Variants in PHACTR1 observed in about 807,000 individuals in gnomAD.
The protein encoded by PHACTR1 is RPEL repeat containing 1.
A neutral mutation model predicts 69.2 loss-of-function variants in PHACTR1; 16 were observed. That is an observed-to-expected ratio of 0.23 (90% CI 0.16 to 0.35). The LOEUF is 0.35. Among genes scored for constraint, PHACTR1 ranks in the 10% least tolerant of loss-of-function variants. The pLI is 1.00. For synonymous variants in PHACTR1, 312 were observed against 284.5 expected (o/e 1.10, Z -0.97); for missense variants, 510 against 734.7 (o/e 0.69, Z 3.54).
At chr6:13,261,444 G>A (rs1176904100) in intron 10 of PHACTR1, among the ~76,000 whole-genome samples, 1 of 152,228 alleles carries the variant, frequency 6.6e-6, no homozygotes, top group African/African-American at 2.4e-5. Context: ...CTCTGCAGAT[G>A]TCATGGTGAA....
chr6:12,856,524 G>C (rs1780387492), intron 4 of PHACTR1, among the ~76,000 whole-genome samples: 1 of 152,132 alleles, frequency 6.6e-6, no homozygotes, highest in South Asian at 2.1e-4. Flanking sequence ...CCAAAGTGCT[G>C]GGATTACAGG....
chr6:12,869,490 A>G lies in PHACTR1; in HGVS notation c.250+119700A>G, dbSNP rs1223981235. Among the ~76,000 whole-genome samples, 3 of 152,022 alleles carry G rather than the reference A, an allele frequency of 2.0e-5. No individual in the cohort carries two copies. In the East Asian group the frequency reaches 5.8e-4, roughly 29 times the overall value. Reference sequence around the variant, plus strand: ...GCCCTAGCCCCCACTTTGTACCACAATACTGGTCCTCCTGCAGCTTTCCCT... The same window carrying G: ...GCCCTAGCCCCCACTTTGTACCACAGTACTGGTCCTCCTGCAGCTTTCCCT... On this transcript the variant is annotated intron_variant, in intron 4 of 14. Coordinates refer to ENST00000332995, the MANE Select transcript of PHACTR1 (RefSeq NM_030948.6).
At chr6:12,901,719 C>T (rs1719707067) in intron 4 of PHACTR1, among the ~76,000 whole-genome samples, 1 of 152,208 alleles carries the variant, frequency 6.6e-6, no homozygotes. Context: ...TGGTCTCGAA[C>T]TCCTGACCTC....
chr6:13,219,349 G>T (rs555890192), intron 8 of PHACTR1, among the ~76,000 whole-genome samples: 2 of 152,170 alleles, frequency 1.3e-5, no homozygotes, highest in Non-Finnish European at 2.9e-5. Context: ...TAGTGGGAGC[G>T]ACAGGTAATA....
At chr6:12,839,127 C>A (rs948959207) in intron 4 of PHACTR1, among the ~76,000 whole-genome samples, 1 of 152,168 alleles carries the variant, frequency 6.6e-6, no homozygotes, top group Non-Finnish European at 1.5e-5. Flanking sequence ...TAGCAAGTAG[C>A]AGGGCCTGGA....
At chr6:13,281,078 A>G (rs1217628291) in intron 12 of PHACTR1, 1 of 1,289,492 alleles carries the variant, frequency 7.8e-7, no homozygotes, top group Non-Finnish European at 1.0e-6. Context: ...GACGGTGTCC[A>G]AGGCCCCGCG....
At chr6:12,892,948 G>A (rs1035730189) in intron 4 of PHACTR1, among the ~76,000 whole-genome samples, 1 of 152,198 alleles carries the variant, frequency 6.6e-6, no homozygotes, top group African/African-American at 2.4e-5. Context: ...AGACCTTGAA[G>A]TAATGGTGGG....
At chr6:13,267,043 T>C (rs1776835871) in intron 10 of PHACTR1, 1 of 152,250 alleles carries the variant, frequency 6.6e-6, no homozygotes, top group Admixed American at 6.5e-5. Flanking sequence ...TTTGGTCAGA[T>C]CCAGAGATCC....
At chr6:12,928,401 T>G (rs1322617624) in intron 4 of PHACTR1, among the ~76,000 whole-genome samples, 3 of 152,138 alleles carry the variant, frequency 2.0e-5, no homozygotes, top group East Asian at 1.9e-4. Context: ...TGGCTTGAAA[T>G]TAACCCCTAG....
intron 4 of PHACTR1, among the ~76,000 whole-genome samples, chr6:12,815,469 A>T (rs1356915183): frequency 6.6e-6 from 1 of 152,230 alleles, no homozygotes; most frequent in African/African-American, 2.4e-5. Context: ...TGACAAATTA[A>T]TCTGTTTCCG....
chr6:13,157,336 G>A (rs1758329541), intron 5 of PHACTR1, among the ~76,000 whole-genome samples: 1 of 152,224 alleles, frequency 6.6e-6, no homozygotes, highest in Non-Finnish European at 1.5e-5. Flanking sequence ...CTTTTCTTAA[G>A]GAGGACTGAT....
At chr6:13,079,053 T>G (rs1810979879) in intron 5 of PHACTR1, among the ~76,000 whole-genome samples, 1 of 152,220 alleles carries the variant, frequency 6.6e-6, no homozygotes, top group Non-Finnish European at 1.5e-5. Flanking sequence ...AAAAAAAGTT[T>G]TCCAAGAGCA....
rs560154315 is a variant in PHACTR1 at position 13,080,592 on chromosome 6, C to T, written c.415+27063C>T. Among the ~76,000 whole-genome samples the T allele has an allele frequency of 5.3e-5, 8 of 152,198 alleles. No individual in the cohort carries two copies. In the South Asian group the frequency reaches 1.2e-3, roughly 24 times the overall value. ...CCAGTGAACAAAATAGGATAAAAGC[C>T]GGGTTTTGTCACCTTCTGTGGCCTG... On this transcript the variant is annotated intron_variant, in intron 5 of 14. Transcript: ENST00000332995.
chr6:12,785,620 G>T (rs184953989), intron 4 of PHACTR1, among the ~76,000 whole-genome samples: 1 of 152,236 alleles, frequency 6.6e-6, no homozygotes, highest in African/African-American at 2.4e-5. Context: ...AGGCTGTCTG[G>T]CATTCCAAAA....
At chr6:12,913,295 C>T (rs559753555) in intron 4 of PHACTR1, among the ~76,000 whole-genome samples, 2 of 152,128 alleles carry the variant, frequency 1.3e-5, no homozygotes, top group Non-Finnish European at 2.9e-5. Context: ...TCACTGTGTC[C>T]CAAGAGCACT....
rs150021028 is a variant in PHACTR1, at chr6:12,942,637, C to T, written c.251-110728C>T. ...TCATACCACTGCACTCCAGCCTGGG[C>T]GACAGAACGAGATCCTGTCTCAAAT... On this transcript the variant is annotated intron_variant, in intron 4 of 14. Coordinates refer to ENST00000332995, the MANE Select transcript of PHACTR1 (RefSeq NM_030948.6). Among the ~76,000 whole-genome samples the T allele has an allele frequency of 3.2e-4, 48 of 152,104 alleles. No homozygotes were observed. The East Asian group carries it at 7.5e-3, about 24-fold the overall frequency.
chr6:13,062,539 G>C (rs1807829329), intron 5 of PHACTR1, among the ~76,000 whole-genome samples: 1 of 152,038 alleles, frequency 6.6e-6, no homozygotes, highest in Non-Finnish European at 1.5e-5. Context: ...AAAACTCCTT[G>C]GATAGTCAAG....
chr6:12,722,656 A>G (rs1581416028), intron 3 of PHACTR1, among the ~76,000 whole-genome samples: 1 of 152,166 alleles, frequency 6.6e-6, no homozygotes, highest in Non-Finnish European at 1.5e-5. Context: ...TGAATAAAGA[A>G]CCTGTTATCT....
intron 4 of PHACTR1, among the ~76,000 whole-genome samples, chr6:12,883,225 T>G (rs1783278509): frequency 6.6e-6 from 1 of 152,116 alleles, no homozygotes; most frequent in South Asian, 2.1e-4. Flanking sequence ...TTTGTTTGTT[T>G]GTTTTTGAGA....
Sources: gnomAD v4.1 joint callset for allele counts (sites outside exome capture counted in the v4.1 genomes callset) on GRCh38, gnomAD v4.1.1 for gene constraint, MANE v1.5 for transcripts, NCBI Gene and HGNC (gene_info 2026-07-23, HGNC 2026-07-21) for gene names.